The following MYT1L variants were observed in gnomAD, a reference collection of about 807,000 sequenced individuals.
MYT1L encodes myelin transcription factor 1-like protein.
In MYT1L, 12 loss-of-function variants were observed where a neutral mutation model predicts 126.7. That is an observed-to-expected ratio of 0.09 (90% CI 0.06 to 0.15). The LOEUF (loss-of-function observed/expected upper bound fraction) is 0.15, where lower values mean the gene tolerates loss of function less well. Ranked by LOEUF, MYT1L falls within the 10% of genes least tolerant of loss-of-function variation. The pLI is 1.00. For missense variants in MYT1L, 979 were observed against 1,585.2 expected, an observed-to-expected ratio of 0.62 and a Z score of 6.49; for synonymous variants, 541 against 604.2, an observed-to-expected ratio of 0.90 and a Z score of 1.53.
intron 8 of MYT1L, among the ~76,000 whole-genome samples, chr2:1,946,006 G>T (rs143028940): frequency 6.6e-6 from 1 of 152,102 alleles, no homozygotes; most frequent in Non-Finnish European, 1.5e-5. Context: ...AGGAGGGGGC[G>T]GCAGGCAAGC....
At chr2:2,084,747 T>A (rs2076187719) in intron 3 of MYT1L, among the ~76,000 whole-genome samples, 1 of 152,150 alleles carries the variant, frequency 6.6e-6, no homozygotes, top group South Asian at 2.1e-4. Context: ...AGATACTAAA[T>A]GAGTTATTTT....
intron 21 of MYT1L, among the ~76,000 whole-genome samples, chr2:1,838,863 T>C (rs555911738): frequency 3.9e-5 from 6 of 152,286 alleles, no homozygotes; most frequent in African/African-American, 9.6e-5. Context: ...ATGTCTTAAA[T>C]GAAAATCTAT....
intron 3 of MYT1L, among the ~76,000 whole-genome samples, chr2:2,126,451 G>A (rs2081705476): frequency 1.3e-5 from 2 of 152,196 alleles, no homozygotes; most frequent in African/African-American, 4.8e-5. Context: ...TAGCCATGGG[G>A]TCTGGGGCCC....
At chr2:1,998,118 G>A (rs1290289376) in intron 4 of MYT1L, among the ~76,000 whole-genome samples, 1 of 152,208 alleles carries the variant, frequency 6.6e-6, no homozygotes, top group Non-Finnish European at 1.5e-5. Flanking sequence ...GGGAATTTGA[G>A]TCTCGCCACT....
At chr2:1,833,209 C>T (rs1453145405) in intron 21 of MYT1L, among the ~76,000 whole-genome samples, 1 of 152,184 alleles carries the variant, frequency 6.6e-6, no homozygotes, top group Non-Finnish European at 1.5e-5. Flanking sequence ...GGCCTTGCCC[C>T]AGTGCCCGCA....
At chr2:1,997,762 C>G (rs1295973576) in intron 4 of MYT1L, among the ~76,000 whole-genome samples, 1 of 152,198 alleles carries the variant, frequency 6.6e-6, no homozygotes, top group Non-Finnish European at 1.5e-5. Context: ...AGCTCCACAC[C>G]AGGATTCGTG....
At chr2:1,903,040 G>T in intron 14 of MYT1L, 40 bp downstream of exon 14, 2 of 1,555,896 alleles carry the variant, frequency 1.3e-6, no homozygotes, top group South Asian at 1.1e-5. Flanking sequence ...CATCATCAAT[G>T]GCAACGTGTC....
At chr2:2,149,453 A>G (rs917495205) in intron 3 of MYT1L, among the ~76,000 whole-genome samples, 7 of 152,240 alleles carry the variant, frequency 4.6e-5, no homozygotes, top group Non-Finnish European at 7.3e-5. Context: ...TGACTTGCCC[A>G]AAGCCACCTC....
At chr2:2,214,320 C>T (rs1010110008) in intron 2 of MYT1L, among the ~76,000 whole-genome samples, 3 of 151,110 alleles carry the variant, frequency 2.0e-5, no homozygotes, top group Non-Finnish European at 2.9e-5. Context: ...AAGTTGCTGG[C>T]AGAACAATCT....
Position 1,887,290 on chromosome 2 carries a change from C to G in MYT1L, c.2642+198G>C, listed in dbSNP as rs2048278198. 6.6e-6 allele frequency among the ~76,000 whole-genome samples: 1 copy of G among 152,208 alleles called. No individual in the cohort carries two copies. The stretch of plus-strand genomic sequence containing the variant: ...CACGGGTTAAATGAAAATGACGCCC[C>G]CATCCGACAGAGCGTCACTGGGAAC... On this transcript the variant is annotated intron_variant, in intron 17 of 24. Transcript: ENST00000647738. The surrounding 1 kb of genome is among the most constrained non-coding windows in gnomAD (Gnocchi z 4.8).
chr2:1,892,909 T>C (rs756116619), intron 14 of MYT1L, among the ~76,000 whole-genome samples: 29 of 152,154 alleles, frequency 1.9e-4, no homozygotes, highest in Non-Finnish European at 3.7e-4. Flanking sequence ...CCAACATCCT[T>C]TTTTTTCTAG....
At chr2:2,109,948 T>C (rs1339810997) in intron 3 of MYT1L, among the ~76,000 whole-genome samples, 1 of 136,490 alleles carries the variant, frequency 7.3e-6, no homozygotes. Flanking sequence ...AATTCGGAGC[T>C]AAGAGATTCT....
chr2:2,083,233 G>A (rs936959744), intron 3 of MYT1L, among the ~76,000 whole-genome samples: 2 of 152,168 alleles, frequency 1.3e-5, no homozygotes, highest in African/African-American at 2.4e-5. Flanking sequence ...AACCCTTTAC[G>A]CCTGTGCTCA....
chr2:1,975,759 G>A (rs1404135364), intron 8 of MYT1L, among the ~76,000 whole-genome samples: 1 of 152,178 alleles, frequency 6.6e-6, no homozygotes, highest in Non-Finnish European at 1.5e-5. Flanking sequence ...AGCTACTTGT[G>A]AAGCTGAGGC....
Position 2,169,487 on chromosome 2 carries a change from A to G in MYT1L, c.-304+3385T>C, listed in dbSNP as rs532786692. Among the ~76,000 whole-genome samples, 3 of 152,356 alleles carry G rather than the reference A, an allele frequency of 2.0e-5. No homozygotes were observed. In the East Asian group the frequency reaches 5.8e-4, roughly 29 times the overall value. On this transcript the variant is annotated intron_variant, in intron 3 of 24. Coordinates refer to ENST00000647738, the MANE Select transcript of MYT1L (RefSeq NM_001303052.2). ...AGATTTTTTAAAGTCCGAGGCAAACATAAGGAGGCTTTAAAAACATCTACG... is the reference window on the plus strand; with the variant it reads ...AGATTTTTTAAAGTCCGAGGCAAACGTAAGGAGGCTTTAAAAACATCTACG...
At chr2:2,111,437 C>T (rs1374641238) in intron 3 of MYT1L, among the ~76,000 whole-genome samples, 5 of 152,212 alleles carry the variant, frequency 3.3e-5, no homozygotes, top group South Asian at 2.1e-4. Flanking sequence ...TTAGCAAACC[C>T]GATGAATTCG....
At chr2:2,020,978 G>T (rs1335196356) in intron 4 of MYT1L, among the ~76,000 whole-genome samples, 6 of 152,224 alleles carry the variant, frequency 3.9e-5, no homozygotes, top group Non-Finnish European at 1.5e-5. Context: ...GCAGCAGAAG[G>T]CTGTGAACTG....
At chr2:2,041,518 C>T (rs1290101015) in intron 4 of MYT1L, among the ~76,000 whole-genome samples, 1 of 152,162 alleles carries the variant, frequency 6.6e-6, no homozygotes, top group Non-Finnish European at 1.5e-5. Flanking sequence ...CAAAGATATT[C>T]TTTGTCTCTT....
chr2:2,018,857 A>G (rs553173702), intron 4 of MYT1L, among the ~76,000 whole-genome samples: 3 of 152,228 alleles, frequency 2.0e-5, no homozygotes, highest in African/African-American at 4.8e-5. Context: ...AGTTCCAGAG[A>G]GAGAACGCCT....
Sources: allele counts gnomAD v4.1 joint callset (sites outside exome capture counted in the v4.1 genomes callset), GRCh38; gene constraint gnomAD v4.1.1; non-coding constraint Gnocchi (gnomAD v3.1); transcripts MANE v1.5; gene names NCBI Gene and HGNC (gene_info 2026-07-23, HGNC 2026-07-21).